GAS2: variants seen among roughly 807,000 people sequenced by gnomAD.
GAS2 encodes growth arrest-specific protein 2.
GAS2 carries 20 observed loss-of-function variants against 37.5 expected under a neutral mutation model. The ratio of observed to expected loss-of-function variants is 0.53; its 90% CI spans 0.37 to 0.77. The LOEUF is 0.77. Among genes scored for constraint, GAS2 ranks in the 30% least tolerant of loss-of-function variants. The pLI is 0.00. For synonymous variants in GAS2, 144 were observed against 132.2 expected, an observed-to-expected ratio of 1.09 and a Z score of -0.61; for missense variants, 336 against 373.4, an observed-to-expected ratio of 0.90 and a Z score of 0.82.
chr11:22,680,941 A>G (rs2133919009), intron 2 of GAS2, among the ~76,000 whole-genome samples: 1 of 152,304 alleles, frequency 6.6e-6, no homozygotes, highest in African/African-American at 2.4e-5. Flanking sequence ...CATCTGTTTC[A>G]TTATCTGTAA....
chr11:22,716,643 CA>C (rs71037523), intron 3 of GAS2, among the ~76,000 whole-genome samples: 115,113 of 132,518 alleles, frequency 0.87, 51,313 homozygotes, highest in Non-Finnish European at 0.98. Flanking sequence ...GTCTCTGTCT[CA>C]AAAAAAAAAA....
intron 1 of GAS2, among the ~76,000 whole-genome samples, chr11:22,646,693 A>C (rs995283465): frequency 6.6e-6 from 1 of 152,190 alleles, no homozygotes; most frequent in Non-Finnish European, 1.5e-5. Flanking sequence ...TTGTATTTTT[A>C]TGGCATTTCT....
intron 1 of GAS2, among the ~76,000 whole-genome samples, chr11:22,669,557 T>G (rs1338955642): frequency 6.6e-6 from 1 of 151,646 alleles, no homozygotes; most frequent in African/African-American, 2.4e-5. Context: ...TAAAAGAGAG[T>G]CAGCACTACA....
chr11:22,671,580 T>C (rs1412354782), intron 1 of GAS2, among the ~76,000 whole-genome samples: 1 of 152,036 alleles, frequency 6.6e-6, no homozygotes, highest in Non-Finnish European at 1.5e-5. Context: ...CCCACCTTTT[T>C]AAAAAGTTAC....
intron 3 of GAS2, among the ~76,000 whole-genome samples, chr11:22,697,385 C>A (rs1850584509): frequency 6.6e-6 from 1 of 152,140 alleles, no homozygotes; most frequent in Admixed American, 6.5e-5. Context: ...CATGATTCCT[C>A]CAGCTTTGTT....
intron 5 of GAS2, among the ~76,000 whole-genome samples, chr11:22,747,707 G>A (rs1444847514): frequency 6.6e-6 from 1 of 152,102 alleles, no homozygotes; most frequent in Non-Finnish European, 1.5e-5. Flanking sequence ...AAAGTGGGGG[G>A]TCCATGTGGA....
intron 7 of GAS2, among the ~76,000 whole-genome samples, chr11:22,791,929 C>G (rs1405430555): frequency 1.3e-5 from 2 of 152,084 alleles, no homozygotes; most frequent in African/African-American, 4.8e-5. Flanking sequence ...TATTGGTGTT[C>G]CTTTAACATC....
chr11:22,789,450 A>ATATATATATATATATATG (rs1564889908), intron 7 of GAS2, among the ~76,000 whole-genome samples: 3 of 90,534 alleles, frequency 3.3e-5, no homozygotes, highest in African/African-American at 7.9e-5. Context: ...ATATATATAT[A>ATATATATATATATATATG]TATATTCTTT....
intron 7 of GAS2, among the ~76,000 whole-genome samples, chr11:22,764,561 CAAAA>C (rs71311297): frequency 1.6e-5 from 1 of 61,688 alleles, no homozygotes; most frequent in Middle Eastern, 7.4e-3. Context: ...GACTCCGTCT[CAAAA>C]AAAAAAAAAA....
chr11:22,792,102 A>T (rs1856194485), intron 7 of GAS2, among the ~76,000 whole-genome samples: 1 of 152,224 alleles, frequency 6.6e-6, no homozygotes, highest in Non-Finnish European at 1.5e-5. Context: ...TTACTGGAGA[A>T]AGAAAAGGAA....
intron 3 of GAS2, among the ~76,000 whole-genome samples, chr11:22,725,584 C>T (rs1852160787): frequency 6.6e-6 from 1 of 151,990 alleles, no homozygotes; most frequent in Non-Finnish European, 1.5e-5. Flanking sequence ...GTACACAATA[C>T]CTGGCTAATT....
intron 1 of GAS2, among the ~76,000 whole-genome samples, chr11:22,627,832 G>C (rs565682443): frequency 1.3e-5 from 2 of 151,664 alleles, no homozygotes; most frequent in South Asian, 4.2e-4. Context: ...CTTTTCAGTT[G>C]AAAGTTCAAA....
rs564654404 is a variant in GAS2 at position 22,649,895 on chromosome 11, G to A, written c.-21+24082G>A. Among the ~76,000 whole-genome samples, 3 of 151,848 alleles carry A rather than the reference G, an allele frequency of 2.0e-5. No homozygotes were observed. In the East Asian group the frequency reaches 5.8e-4, roughly 29 times the overall value. On this transcript the variant is annotated intron_variant, in intron 1 of 5. Coordinates refer to the GAS2 transcript ENST00000528582. Reference sequence around the variant, plus strand: ...TCCTGGATTCATTAATTTTTTGAAGGGTTTTTTGTGTCTCTATTTCCTTCA... The same window carrying A: ...TCCTGGATTCATTAATTTTTTGAAGAGTTTTTTGTGTCTCTATTTCCTTCA...
intron 3 of GAS2, among the ~76,000 whole-genome samples, chr11:22,715,763 A>C (rs1336720005): frequency 2.6e-5 from 4 of 152,126 alleles, no homozygotes; most frequent in African/African-American, 7.2e-5. Context: ...GAATTTTATC[A>C]GACATTCAAA....
intron 7 of GAS2, among the ~76,000 whole-genome samples, chr11:22,772,726 A>G (rs1041256837): frequency 6.6e-6 from 1 of 152,150 alleles, no homozygotes; most frequent in Non-Finnish European, 1.5e-5. Flanking sequence ...CTTTTCCCAG[A>G]GATGAGTAGA....
intron 3 of GAS2, among the ~76,000 whole-genome samples, chr11:22,686,332 A>T (rs569364631): frequency 6.6e-6 from 1 of 152,118 alleles, no homozygotes; most frequent in Non-Finnish European, 1.5e-5. Context: ...TAAACACTTG[A>T]TGAAAGTATA....
At chr11:22,794,154 T>C (rs565957912) in intron 7 of GAS2, among the ~76,000 whole-genome samples, 9 of 152,208 alleles carry the variant, frequency 5.9e-5, no homozygotes, top group Non-Finnish European at 1.0e-4. Flanking sequence ...ATGTAGATAT[T>C]TTGGAAATAT....
At chr11:22,789,297 T>TACACAC (rs1386009705) in intron 7 of GAS2, among the ~76,000 whole-genome samples, 1 of 100,742 alleles carries the variant, frequency 9.9e-6, no homozygotes. Context: ...TATATATATA[T>TACACAC]ATATATACAC....
intron 3 of GAS2, among the ~76,000 whole-genome samples, chr11:22,723,026 A>C (rs2134147946): frequency 6.6e-6 from 1 of 151,982 alleles, no homozygotes; most frequent in South Asian, 2.1e-4. Flanking sequence ...CCTTATTTCT[A>C]GTTACGTGTG....
Sources: allele counts gnomAD v4.1 joint callset (sites outside exome capture counted in the v4.1 genomes callset), GRCh38; gene constraint gnomAD v4.1.1; transcripts MANE v1.5; gene names NCBI Gene and HGNC (gene_info 2026-07-23, HGNC 2026-07-21).